Variants in KDM4C observed in about 807,000 individuals in gnomAD.
The protein encoded by KDM4C is lysine demethylase 4C.
In KDM4C, 81 loss-of-function variants were observed where a neutral mutation model predicts 129.3. The observed-to-expected ratio is 0.63, with a 90% CI of 0.52 to 0.75. The LOEUF is 0.75. KDM4C is among the 30% of genes least tolerant of loss of function. The probability of loss-of-function intolerance (pLI) is 0.00; values close to 1 mark genes in which losing one functional copy is unlikely to be tolerated. For missense variants in KDM4C, 1,457 were observed against 1,304.0 expected (o/e 1.12, Z -1.81); for synonymous variants, 573 against 456.1 (o/e 1.26, Z -3.26).
chr9:6,883,417 G>T (rs1844778795), intron 6 of KDM4C, among the ~76,000 whole-genome samples: 1 of 152,210 alleles, frequency 6.6e-6, no homozygotes, highest in East Asian at 1.9e-4. Flanking sequence ...TGGTGCGTCA[G>T]GGTATGTTTA....
chr9:7,055,836 A>G (rs1360521934), intron 17 of KDM4C, among the ~76,000 whole-genome samples: 1 of 152,200 alleles, frequency 6.6e-6, no homozygotes, highest in Non-Finnish European at 1.5e-5. Context: ...TATTTAGTTA[A>G]TGTTACAGCA....
In KDM4C at chr9:6,994,038, G is replaced by A. The variant is rs114723894; in HGVS notation, c.1786+3514G>A. On this transcript the variant is annotated intron_variant, in intron 12 of 21. Coordinates refer to ENST00000381309, the MANE Select transcript of KDM4C (RefSeq NM_015061.6). ...TTCCATGGATGGGGCAGGGGTATAG[G>A]GGTGGGGATGGTTTTGGGATAAAGC... 2.0e-3 allele frequency among the ~76,000 whole-genome samples: 303 copies of A among 152,274 alleles called. 2 individuals are homozygous for A. Among genetic ancestry groups the A allele is most frequent in the African/African-American group, 6.5e-3 (272 of 41,544 alleles).
At chr9:7,077,143 A>G in intron 17 of KDM4C, 1 of 985,412 alleles carries the variant, frequency 1.0e-6, no homozygotes, top group Non-Finnish European at 1.2e-6. Flanking sequence ...GGGCTGACAG[A>G]TGTTGAGAAC....
At chr9:7,131,611 C>T (rs1840650779) in intron 19 of KDM4C, among the ~76,000 whole-genome samples, 2 of 152,172 alleles carry the variant, frequency 1.3e-5, no homozygotes, top group African/African-American at 4.8e-5. Flanking sequence ...AGCCACGGTG[C>T]CCAGCCCCAC....
chr9:6,935,504 A>G (rs958991286), intron 8 of KDM4C, among the ~76,000 whole-genome samples: 1 of 151,340 alleles, frequency 6.6e-6, no homozygotes, highest in African/African-American at 2.4e-5. Flanking sequence ...GCAATCTCCC[A>G]TCTCCCAAGT....
chr9:7,068,583 C>G (rs1352026437), intron 17 of KDM4C, among the ~76,000 whole-genome samples: 1 of 151,912 alleles, frequency 6.6e-6, no homozygotes, highest in Admixed American at 6.6e-5. Context: ...CCTGATTTTC[C>G]TGACAGTTCC....
At chr9:6,932,410 C>T (rs545110827) in intron 8 of KDM4C, among the ~76,000 whole-genome samples, 79 of 152,218 alleles carry the variant, frequency 5.2e-4, no homozygotes, top group African/African-American at 1.8e-3. Context: ...CTTAGTAATG[C>T]CCCCTCCCAC....
intron 1 of KDM4C, among the ~76,000 whole-genome samples, chr9:6,777,004 C>G (rs1432760405): frequency 1.3e-5 from 2 of 152,126 alleles, no homozygotes; most frequent in African/African-American, 2.4e-5. Flanking sequence ...GAGTTTGACC[C>G]TTAAGTTTTT....
At chr9:6,974,430 G>A (rs1008552966) in intron 8 of KDM4C, among the ~76,000 whole-genome samples, 4 of 152,198 alleles carry the variant, frequency 2.6e-5, no homozygotes, top group Non-Finnish European at 5.9e-5. Context: ...TGCGACCGCG[G>A]CTCACTGCAA....
intron 1 of KDM4C, among the ~76,000 whole-genome samples, chr9:6,768,752 T>C (rs1314730522): frequency 3.9e-5 from 6 of 152,232 alleles, no homozygotes; most frequent in Non-Finnish European, 1.5e-5. Context: ...TTGATTTTCA[T>C]GATCTTGACA....
intron 8 of KDM4C, among the ~76,000 whole-genome samples, chr9:6,964,831 G>A (rs571390892): frequency 1.5e-4 from 22 of 148,068 alleles, no homozygotes; most frequent in African/African-American, 5.5e-4. Context: ...GCACATGCCT[G>A]TAATCCCAGC....
intron 8 of KDM4C, among the ~76,000 whole-genome samples, chr9:6,966,680 A>G (rs565170710): frequency 9.9e-5 from 15 of 152,218 alleles, no homozygotes; most frequent in Non-Finnish European, 2.1e-4. Flanking sequence ...CCATATTTAT[A>G]TATGGTATTT....
chr9:7,141,571 A>G (rs1841743253), intron 19 of KDM4C, among the ~76,000 whole-genome samples: 1 of 152,104 alleles, frequency 6.6e-6, no homozygotes, highest in Admixed American at 6.6e-5. Context: ...GTCAAATATA[A>G]CTCCCAGGAT....
At chr9:7,157,178 G>C (rs566325837) in intron 19 of KDM4C, among the ~76,000 whole-genome samples, 2 of 152,162 alleles carry the variant, frequency 1.3e-5, no homozygotes, top group African/African-American at 2.4e-5. Flanking sequence ...GTATAGGAAT[G>C]CTTGTGATTT....
intron 4 of KDM4C, among the ~76,000 whole-genome samples, chr9:6,848,980 A>G (rs1158367721): frequency 6.6e-6 from 1 of 152,240 alleles, no homozygotes; most frequent in Non-Finnish European, 1.5e-5. Context: ...TTAAGGAAAC[A>G]ATGTATTACA....
At chr9:7,035,719 C>A (rs1424329772) in intron 15 of KDM4C, among the ~76,000 whole-genome samples, 2 of 152,058 alleles carry the variant, frequency 1.3e-5, no homozygotes, top group African/African-American at 2.4e-5. Context: ...TCCAATTTTT[C>A]CGGCACTGTT....
chr9:6,987,910 A>T (rs1394672136), intron 11 of KDM4C, among the ~76,000 whole-genome samples: 1 of 151,950 alleles, frequency 6.6e-6, no homozygotes, highest in Non-Finnish European at 1.5e-5. Context: ...TAATCCCTGC[A>T]CTTTGAGAGA....
At chr9:6,936,407 GAA>G (rs33914111) in intron 8 of KDM4C, among the ~76,000 whole-genome samples, 11,271 of 152,148 alleles carry the variant, frequency 0.074, 1,131 homozygotes, top group African/African-American at 0.23. Flanking sequence ...GCTAAAAAAA[GAA>G]TGCATATATA....
At chr9:6,980,839 T>G in intron 8 of KDM4C, 86 bp from the exon 9 acceptor site, 1 of 1,120,996 alleles carries the variant, frequency 8.9e-7, no homozygotes, top group Admixed American at 2.1e-5. Context: ...GACTAAGTAT[T>G]CATGGATGAT....
Sources: allele counts gnomAD v4.1 joint callset (sites outside exome capture counted in the v4.1 genomes callset), GRCh38; gene constraint gnomAD v4.1.1; transcripts MANE v1.5; gene names NCBI Gene and HGNC (gene_info 2026-07-23, HGNC 2026-07-21).